The following PPP1R1B variants were observed in gnomAD, a reference collection of about 807,000 sequenced individuals.
The protein encoded by PPP1R1B is protein phosphatase 1 regulatory subunit 1B.
In PPP1R1B, 13 loss-of-function variants were observed where a neutral mutation model predicts 28.2. The ratio of observed to expected loss-of-function variants is 0.46; its 90% CI spans 0.30 to 0.73. The LOEUF is 0.73. Among genes scored for constraint, PPP1R1B ranks in the 30% least tolerant of loss-of-function variants. The probability of loss-of-function intolerance (pLI) is 0.07; values close to 1 mark genes in which losing one functional copy is unlikely to be tolerated. For synonymous variants in PPP1R1B, 102 were observed against 97.5 expected (o/e 1.05, Z -0.27); for missense variants, 236 against 256.7 (o/e 0.92, Z 0.55).
intron 3 of PPP1R1B, 112 bp downstream of exon 3, chr17:39,629,674 T>C (rs900765141): frequency 9.0e-7 from 1 of 1,111,938 alleles, no homozygotes. Context: ...AGAGGACACA[T>C]TAGCATATCA....
chr17:39,627,250 G>A lies in PPP1R1B; in HGVS notation c.-143G>A, dbSNP rs531338932. On this transcript the variant is annotated 5_prime_UTR_variant, in exon 1 of 7. Transcript: ENST00000254079. ...CCCGCTCCCGCGCCCTCCCCTCGGC[G>A]GGCACGGTATTTTTATCCGTGCGCG... is the stretch of plus-strand genomic sequence containing the variant. 4 of 564,640 alleles carry A rather than the reference G, an allele frequency of 7.1e-6. No homozygotes were observed. The highest frequency in any genetic ancestry group is 4.0e-5 in the African/African-American group (2 of 49,906). The allele number at this position is 564,640 out of a possible 1,614,324, so 35.0% of individuals were successfully genotyped here.
At chr17:39,628,988 G>C (rs1359659004) in intron 1 of PPP1R1B, among the ~76,000 whole-genome samples, 182 bp from the exon 2 acceptor site, 1 of 152,190 alleles carries the variant, frequency 6.6e-6, no homozygotes, top group East Asian at 1.9e-4. Flanking sequence ...ATCTCTCTGA[G>C]CCCTGCTTTT....
At position 39,635,673 on chromosome 17, in the gene PPP1R1B, A is replaced by T; in HGVS notation, c.512A>T (p.Glu171Val). Reference sequence around the variant, plus strand: ...TGGGAGCGCCCACCCCCTCTGGATGAGTCCGAGAGAGATGGAGGCTCTGAG... The same window carrying T: ...TGGGAGCGCCCACCCCCTCTGGATGTGTCCGAGAGAGATGGAGGCTCTGAG... ...GPWERPPPLD[E>V]SERDGGSEDQ... The change falls in exon 6 of 7, where the codon GAG becomes GTG. Residue 171 changes from glutamate (E) to valine (V), a missense_variant. By Grantham distance (121) the Glu-to-Val change is moderately radical. Coordinates refer to ENST00000254079, the MANE Select transcript of PPP1R1B (RefSeq NM_032192.4). The T allele has an allele frequency of 6.2e-7, 1 of 1,614,082 alleles. No individual in the cohort carries two copies. Among genetic ancestry groups the T allele is most frequent in the Non-Finnish European group, 8.5e-7 (1 of 1,180,014 alleles).
intron 1 of PPP1R1B, 61 bp downstream of exon 1, chr17:39,627,534 C>T (rs3751903): frequency 1.6e-5 from 17 of 1,084,112 alleles, no homozygotes; most frequent in Middle Eastern, 4.2e-4. Flanking sequence ...GCTTCTTCGC[C>T]CTCCCAAGGC....
chr17:39,629,848 G>A, intron 3 of PPP1R1B, 124 bp from the exon 4 acceptor site: 1 of 1,071,838 alleles, frequency 9.3e-7, no homozygotes, highest in Non-Finnish European at 1.4e-6. Flanking sequence ...CTCAGCCTAG[G>A]TGCAGGACCC....
intron 5 of PPP1R1B, 48 bp downstream of exon 5, chr17:39,634,134 G>C: frequency 6.2e-7 from 1 of 1,607,108 alleles, no homozygotes. Flanking sequence ...GGTCCTCCTT[G>C]AGTATACGAG....
At position 39,629,694 on chromosome 17, in the gene PPP1R1B, C is replaced by T; in HGVS notation, c.165+132C>T. The T allele has an allele frequency of 8.6e-6, 8 of 926,266 alleles. No individual in the cohort carries two copies. In the South Asian group the frequency reaches 1.1e-4, roughly 13 times the overall value. 57.4% of individuals were successfully genotyped at this position (926,266 alleles called of 1,614,324 possible). On this transcript the variant is annotated intron_variant, in intron 3 of 6. Transcript: ENST00000254079. ...ACACATTAGCATATCAATGGGCAGT[C>T]CTCTGAGAGTGCCTCATGCCAGGGT...
chr17:39,634,468 T>G (rs2056902300), intron 5 of PPP1R1B, among the ~76,000 whole-genome samples: 1 of 152,174 alleles, frequency 6.6e-6, no homozygotes, highest in Non-Finnish European at 1.5e-5. Context: ...TTCACCTACA[T>G]TTTTGAACCT....
chr17:39,629,841 AGCC>A, intron 3 of PPP1R1B, 128 bp from the exon 4 acceptor site: 1 of 1,018,296 alleles, frequency 9.8e-7, no homozygotes, highest in Non-Finnish European at 1.5e-6. Flanking sequence ...GGGGAGGCTC[AGCC>A]TAGGTGCAGG....
At chr17:39,627,732 G>T (rs968909760) in intron 1 of PPP1R1B, among the ~76,000 whole-genome samples, 1 of 150,332 alleles carries the variant, frequency 6.7e-6, no homozygotes, top group African/African-American at 2.4e-5. Context: ...GGGGTGGGGG[G>T]ACAGGCCGAT....
At chr17:39,629,609 G>C in intron 3 of PPP1R1B, 47 bp downstream of exon 3, 1 of 1,608,228 alleles carries the variant, frequency 6.2e-7, no homozygotes. Flanking sequence ...GGGCCCCTTG[G>C]GGTGGGGTGG....
chr17:39,626,840 A>G (rs909008736), upstream of PPP1R1B: 4 of 152,730 alleles, frequency 2.6e-5, no homozygotes, highest in African/African-American at 9.7e-5. Flanking sequence ...ACGATTCTCC[A>G]TGCTCATTGG....
chr17:39,634,120 T>C, intron 5 of PPP1R1B, 34 bp downstream of exon 5: 1 of 1,611,536 alleles, frequency 6.2e-7, no homozygotes, highest in Non-Finnish European at 8.5e-7. Context: ...GTGGATTAGC[T>C]GTGGGTCCTC....
intron 1 of PPP1R1B, chr17:39,628,397 G>A (rs2056851984): frequency 2.2e-6 from 1 of 457,984 alleles, no homozygotes; most frequent in South Asian, 9.4e-5. Context: ...AGCTCAACAG[G>A]GACCTAATTA....
Position 39,629,977 on chromosome 17 carries a change from C to G in PPP1R1B, c.171C>G (p.Ala57=). 1 of 1,614,132 alleles carries G rather than the reference C, an allele frequency of 6.2e-7. No individual in the cohort carries two copies. The highest frequency in any genetic ancestry group is 8.5e-7 in the Non-Finnish European group (1 of 1,179,990). The stretch of plus-strand genomic sequence containing the variant: ...CCTGGCACTTCCCCTGGCAGAGAGC[C>G]TCAGGAGAGGGGCACCATCTCAAGT... ...PEEEASPHQR[A]SGEGHHLKSK... is the part of the protein sequence containing the mutation. Residue 57 remains alanine, a synonymous_variant, in exon 4 of 7, where the codon GCC becomes GCG. Transcript: ENST00000254079.
intron 5 of PPP1R1B, among the ~76,000 whole-genome samples, chr17:39,635,238 C>T (rs1055354508): frequency 1.3e-5 from 2 of 151,954 alleles, no homozygotes; most frequent in South Asian, 2.1e-4. Context: ...CAAAAAAAAA[C>T]AAACAAACAA....
chr17:39,633,690 CT>C (rs2056894765), intron 4 of PPP1R1B, 192 bp from the exon 5 acceptor site: 2 of 853,586 alleles, frequency 2.3e-6, no homozygotes, highest in Non-Finnish European at 3.5e-6. Context: ...AAATCTACCC[CT>C]GGCTGCCTCT....
intron 1 of PPP1R1B, among the ~76,000 whole-genome samples, 168 bp downstream of exon 1, chr17:39,627,641 G>A (rs2056847174): frequency 6.6e-6 from 1 of 151,974 alleles, no homozygotes; most frequent in Non-Finnish European, 1.5e-5. Flanking sequence ...GAAGTTAGCT[G>A]GAGACTCGTG....
Position 39,634,025 on chromosome 17 carries a change from TGAAGAAGAGGAA to T in PPP1R1B, c.396_407del (p.Glu132_Glu135del), listed in dbSNP as rs780278154. 4 of 1,613,788 alleles carry T rather than the reference TGAAGAAGAGGAA, an allele frequency of 2.5e-6. No homozygotes were observed. Among genetic ancestry groups the T allele is most frequent in the Non-Finnish European group, 3.4e-6 (4 of 1,179,908 alleles). On this transcript the variant is annotated inframe_deletion, in exon 5 of 7. Coordinates refer to ENST00000254079, the MANE Select transcript of PPP1R1B (RefSeq NM_032192.4). ...AAGATGAGGAGGAAGAGGAGGATGATGAAGAAGAGGAAGAAGAAGAGGACAGCCAGGCTGAAG... is the reference window on the plus strand; with the variant it reads ...AAGATGAGGAGGAAGAGGAGGATGATGAAGAAGAGGACAGCCAGGCTGAAG...
Sources: gnomAD v4.1 joint callset for allele counts (sites outside exome capture counted in the v4.1 genomes callset) on GRCh38, gnomAD v4.1.1 for gene constraint, MANE v1.5 for transcripts, NCBI Gene and HGNC (gene_info 2026-07-23, HGNC 2026-07-21) for gene names.